The following RNF170 variants were observed in gnomAD, a reference collection of about 807,000 sequenced individuals.
RNF170 encodes ring finger protein 170.
A neutral mutation model predicts 32.7 loss-of-function variants in RNF170; 12 were observed. The observed-to-expected ratio is 0.37, with a 90% CI of 0.24 to 0.60. The LOEUF is 0.60. Among genes scored for constraint, RNF170 ranks in the 20% least tolerant of loss-of-function variants. RNF170 has a pLI of 0.72. For missense variants in RNF170, 212 were observed against 311.2 expected (o/e 0.68, Z 2.40); for synonymous variants, 91 against 103.6 (o/e 0.88, Z 0.74).
chr8:42,856,773 C>T (rs1245609600), intron 6 of RNF170, among the ~76,000 whole-genome samples: 2 of 152,172 alleles, frequency 1.3e-5, no homozygotes, highest in African/African-American at 4.8e-5. Context: ...GCTTAAGTCT[C>T]AGCTTTAAAG....
chr8:42,875,578 A>T (rs1347091738), intron 2 of RNF170, among the ~76,000 whole-genome samples: 2 of 152,136 alleles, frequency 1.3e-5, no homozygotes. Flanking sequence ...AAACCTGTTA[A>T]ATCTTATTTT....
rs1266814255 is a variant in RNF170, at chr8:42,863,988, T to A, written c.396+1428A>T. ...AGGAGAGAGAGAGAGAGAGTGTGTG[T>A]GTGTGTGTGTGTGTGTGTGTGTGTG... On this transcript the variant is annotated intron_variant, in intron 5 of 6. Transcript: ENST00000527424. 2.1e-3 allele frequency among the ~76,000 whole-genome samples: 293 copies of A among 140,070 alleles called. 2 individuals are homozygous for A. Among genetic ancestry groups the A allele is most frequent in the African/African-American group, 8.0e-3 (262 of 32,904 alleles). The allele number at this position is 140,070 out of a possible 152,430, so 91.9% of individuals were successfully genotyped here.
At chr8:42,887,655 T>G in intron 2 of RNF170, 73 bp downstream of exon 2, 1 of 1,288,700 alleles carries the variant, frequency 7.8e-7, no homozygotes, top group Non-Finnish European at 1.1e-6. Flanking sequence ...ATATTAAGTA[T>G]TATACATTAT....
At position 42,896,476 on chromosome 8, in the gene RNF170, G is replaced by A. The variant is rs773289369; in HGVS notation, c.-8+8C>T. 8.8e-6 allele frequency: 4 copies of A among 453,904 alleles called. No individual in the cohort carries two copies. The highest frequency in any genetic ancestry group is 4.7e-5 in the Admixed American group (2 of 42,562). 28.1% of individuals were successfully genotyped at this position (453,904 alleles called of 1,614,324 possible). ...AGGGTGGGCGTGGCCGCCGCGCGCCGGACGTACCTCTCCACCGCGAAGGAA... is the reference window on the plus strand; with the variant it reads ...AGGGTGGGCGTGGCCGCCGCGCGCCAGACGTACCTCTCCACCGCGAAGGAA... On this transcript the variant is annotated splice_region_variant and intron_variant, in intron 1 of 6. Coordinates refer to ENST00000527424, the MANE Select transcript of RNF170 (RefSeq NM_030954.4).
chr8:42,872,261 G>GT (rs1409744831), intron 3 of RNF170, among the ~76,000 whole-genome samples: 2 of 152,218 alleles, frequency 1.3e-5, no homozygotes, highest in East Asian at 1.9e-4. Context: ...AATTGCTAGT[G>GT]TGAGTGTTAG....
rs1342820933 is a variant in RNF170, at chr8:42,856,273, A to G, written c.663T>C (p.Pro221=). The G allele has an allele frequency of 5.6e-6, 9 of 1,604,218 alleles. No individual in the cohort carries two copies. The highest frequency in any genetic ancestry group is 6.8e-6 in the Non-Finnish European group (8 of 1,177,042). ...AGCCTAGAATTCCAAACAAGGCTTC[A>G]GGTACAAAATCTAGAGGTGATATAA... ...FYLISPLDFV[P]EALFGILGFL... Residue 221 remains proline, a synonymous_variant, in exon 7 of 7, where the codon CCT becomes CCC. Coordinates refer to ENST00000527424, the MANE Select transcript of RNF170 (RefSeq NM_030954.4).
chr8:42,861,533 G>A (rs920383944), intron 6 of RNF170: 5 of 515,220 alleles, frequency 9.7e-6, no homozygotes, highest in East Asian at 3.5e-5. Context: ...TCTAGAGATG[G>A]GGTTTCATCA....
rs1055043020 is a variant in RNF170 at position 42,855,087 on chromosome 8, CTG to C, written c.*1070_*1071del. On this transcript the variant is annotated 3_prime_UTR_variant, in exon 7 of 7. Transcript: ENST00000527424. ...TTCCTCAGAAATGCATCAGGCTACT[CTG>C]TGTTTGCAGCATCGCCCAGGTTCCT... The C allele has an allele frequency of 2.3e-6, 3 of 1,287,250 alleles. No homozygotes were observed. Among genetic ancestry groups the C allele is most frequent in the African/African-American group, 1.5e-5 (1 of 65,912 alleles). The allele number at this position is 1,287,250 out of a possible 1,614,324, so 79.7% of individuals were successfully genotyped here. A position where few individuals can be genotyped will look rare whatever the true frequency, so the allele number is the denominator to read the frequency against.
At chr8:42,869,521 C>T (rs766019173) in intron 4 of RNF170, among the ~76,000 whole-genome samples, 1 of 152,218 alleles carries the variant, frequency 6.6e-6, no homozygotes, top group Non-Finnish European at 1.5e-5. Context: ...GACAAACAGA[C>T]TGAGACTAAG....
chr8:42,857,991 C>T (rs1055477747), intron 6 of RNF170, among the ~76,000 whole-genome samples: 1 of 152,134 alleles, frequency 6.6e-6, no homozygotes, highest in African/African-American at 2.4e-5. Context: ...GCCGAGATCG[C>T]GCCATTGCAT....
chr8:42,850,038 G>T (rs1040918319), downstream of RNF170: 1 of 153,290 alleles, frequency 6.5e-6, no homozygotes. Flanking sequence ...GCTATTGTGC[G>T]AAGATCTGGA....
At chr8:42,869,970 G>C in intron 4 of RNF170, 34 bp downstream of exon 4, 1 of 1,479,582 alleles carries the variant, frequency 6.8e-7, no homozygotes, top group Non-Finnish European at 9.4e-7. Context: ...GGTCTACACA[G>C]TCACTTTTCC....
rs1404251291 is a variant in RNF170, at chr8:42,896,466, G to A, written c.-8+18C>T. 8.8e-6 allele frequency: 4 copies of A among 453,694 alleles called. No individual in the cohort carries two copies. The highest frequency in any genetic ancestry group is 1.3e-5 in the Non-Finnish European group (3 of 226,632). 28.1% of individuals were successfully genotyped at this position (453,694 alleles called of 1,614,324 possible). ...GGGCCCCGATAGGGTGGGCGTGGCC[G>A]CCGCGCGCCGGACGTACCTCTCCAC... On this transcript the variant is annotated intron_variant, in intron 1 of 6. Transcript: ENST00000527424.
At position 42,891,347 on chromosome 8, in the gene RNF170, C is replaced by T. The variant is rs1806284560; in HGVS notation, c.-7-3476G>A. ...TTCCTCATTGTTCTTGTTCTATAAA[C>T]AACTAAAAAAAGACTAAGTCTTTTT... On this transcript the variant is annotated intron_variant, in intron 1 of 6. Transcript: ENST00000527424. Among the ~76,000 whole-genome samples the T allele has an allele frequency of 3.9e-5, 6 of 152,066 alleles. No homozygotes were observed. The South Asian group carries it at 1.2e-3, about 32-fold the overall frequency.
chr8:42,868,851 CAA>C (rs56822241), intron 4 of RNF170, among the ~76,000 whole-genome samples: 37 of 73,630 alleles, frequency 5.0e-4, no homozygotes, highest in Middle Eastern at 8.9e-3. Context: ...GACTGCATTT[CAA>C]AAAAAAAAAA....
Position 42,896,522 on chromosome 8 carries a change from G to A in RNF170, c.-46C>T, listed in dbSNP as rs763891709. The A allele has an allele frequency of 2.2e-6, 1 of 453,956 alleles. No homozygotes were observed. Among genetic ancestry groups the A allele is most frequent in the South Asian group, 1.6e-5 (1 of 64,470 alleles). The allele number at this position is 453,956 out of a possible 1,614,324, so 28.1% of individuals were successfully genotyped here. On this transcript the variant is annotated 5_prime_UTR_variant, in exon 1 of 7. Coordinates refer to ENST00000527424, the MANE Select transcript of RNF170 (RefSeq NM_030954.4). ...AGGAACTACCTCGCCAGTTCCCGGC[G>A]ACAGAGGACAGATTATTTCCAGGAC...
At chr8:42,867,398 G>A (rs6986338) in intron 4 of RNF170, among the ~76,000 whole-genome samples, 17,490 of 149,490 alleles carry the variant, frequency 0.12, 1,712 homozygotes, top group African/African-American at 0.24. Flanking sequence ...TTGAACCTGG[G>A]AGGTGGAGGT....
At chr8:42,874,464 A>C (rs771771361) in intron 2 of RNF170, among the ~76,000 whole-genome samples, 1 of 152,106 alleles carries the variant, frequency 6.6e-6, no homozygotes, top group African/African-American at 2.4e-5. Flanking sequence ...AACTTGGCCG[A>C]GTGTGGTGGC....
chr8:42,890,980 G>A (rs1431778600), intron 1 of RNF170, among the ~76,000 whole-genome samples: 7 of 152,108 alleles, frequency 4.6e-5, no homozygotes, highest in Admixed American at 3.9e-4. Context: ...TTTCCTACTT[G>A]GGGAGATGAC....
Sources: allele counts gnomAD v4.1 joint callset (sites outside exome capture counted in the v4.1 genomes callset), GRCh38; gene constraint gnomAD v4.1.1; transcripts MANE v1.5; gene names NCBI Gene and HGNC (gene_info 2026-07-23, HGNC 2026-07-21).